C1orf115: variants seen among roughly 807,000 people sequenced by gnomAD.
C1orf115 encodes required for drug-induced death protein 1.
A neutral mutation model predicts 12.5 loss-of-function variants in C1orf115; 14 were observed. The observed-to-expected ratio is 1.12, with a 90% CI of 0.74 to 1.75. The LOEUF (loss-of-function observed/expected upper bound fraction) is 1.75, where lower values mean the gene tolerates loss of function less well. Ranked by LOEUF, C1orf115 falls within the 40% of genes most tolerant of loss-of-function variation. The pLI, the probability that C1orf115 is intolerant of heterozygous loss-of-function variation, is 0.00. For synonymous variants in C1orf115, 109 were observed against 104.6 expected, an observed-to-expected ratio of 1.04 and a Z score of -0.26; for missense variants, 237 against 220.8, an observed-to-expected ratio of 1.07 and a Z score of -0.46.
At position 220,696,710 on chromosome 1, in the gene C1orf115, C is replaced by A; in HGVS notation, c.408C>A (p.Ser136Arg). The A allele has an allele frequency of 1.9e-6, 3 of 1,595,930 alleles. No homozygotes were observed. Among genetic ancestry groups the A allele is most frequent in the African/African-American group, 1.3e-5 (1 of 74,802 alleles). The change falls in exon 2 of 2, where the codon AGC becomes AGA. Residue 136 changes from serine to arginine, a missense_variant. Transcript: ENST00000294889. ...CCGCCCCGTTTGCGGTAGCCACCAG[C>A]GTGGTATCCTTCGTGCGCTAATGGG... ...AYSAPFAVATSVVSFVR is the reference protein window; with the variant it reads ...AYSAPFAVATRVVSFVR
chr1:220,696,804 C>T lies in C1orf115; in HGVS notation c.*73C>T, dbSNP rs970480014. The T allele has an allele frequency of 5.9e-6, 9 of 1,513,486 alleles. No homozygotes were observed. The highest frequency in any genetic ancestry group is 2.3e-5 in the East Asian group (1 of 43,342). The allele number at this position is 1,513,486 out of a possible 1,614,324, so 93.8% of individuals were successfully genotyped here. A position where few individuals can be genotyped will look rare whatever the true frequency, so the allele number is the denominator to read the frequency against. Reference sequence around the variant, plus strand: ...TGTGGGAACTTTGTGAATCCTGGAGCATCTCAGACTTGAACACACAGCATA... The same window carrying T: ...TGTGGGAACTTTGTGAATCCTGGAGTATCTCAGACTTGAACACACAGCATA... On this transcript the variant is annotated 3_prime_UTR_variant, in exon 2 of 2. Coordinates refer to ENST00000294889, the MANE Select transcript of C1orf115 (RefSeq NM_024709.5).
intron 1 of C1orf115, among the ~76,000 whole-genome samples, chr1:220,694,391 C>T (rs527860739): frequency 1.3e-5 from 2 of 152,060 alleles, no homozygotes; most frequent in South Asian, 2.1e-4. Flanking sequence ...GTGAGGAAAC[C>T]GAGGCCATGG....
chr1:220,695,854 C>T (rs981296914), intron 1 of C1orf115, among the ~76,000 whole-genome samples: 7 of 152,002 alleles, frequency 4.6e-5, no homozygotes, highest in African/African-American at 1.7e-4. Flanking sequence ...AGTTGAGGTA[C>T]GGAGGGGAAG....
chr1:220,694,814 A>G (rs994523051), intron 1 of C1orf115, among the ~76,000 whole-genome samples: 1 of 152,230 alleles, frequency 6.6e-6, no homozygotes, highest in Non-Finnish European at 1.5e-5. Context: ...TAGTCATTAG[A>G]AATGGATGAG....
At chr1:220,692,004 C>A (rs1670118088) in intron 1 of C1orf115, among the ~76,000 whole-genome samples, 2 of 152,178 alleles carry the variant, frequency 1.3e-5, no homozygotes, top group Admixed American at 6.5e-5. Flanking sequence ...GGGAAGTTTT[C>A]AAATCACGGT....
Position 220,690,633 on chromosome 1 carries a change from C to A in C1orf115, c.231C>A (p.Arg77=), listed in dbSNP as rs1670086289. 6.4e-7 allele frequency: 1 copy of A among 1,568,730 alleles called. No individual in the cohort carries two copies. Among genetic ancestry groups the A allele is most frequent in the South Asian group, 1.2e-5 (1 of 86,258 alleles). Residue 77 remains arginine, a synonymous_variant, in exon 1 of 2, where the codon CGC becomes CGA. Coordinates refer to ENST00000294889, the MANE Select transcript of C1orf115 (RefSeq NM_024709.5). ...TGCACTTCGCCCTCCTGCCCGAGCG[C>A]TACGAGCCACTGGAGGAGCCGGCGC... is the stretch of plus-strand genomic sequence containing the variant. ...RRVHFALLPE[R]YEPLEEPAPS... is the part of the protein sequence containing the mutation.
chr1:220,690,765 G>T, intron 1 of C1orf115, 54 bp downstream of exon 1: 1 of 1,527,790 alleles, frequency 6.5e-7, no homozygotes, highest in Non-Finnish European at 8.8e-7. Context: ...TGTCCCGCGG[G>T]GGAGCGGGAG....
intron 1 of C1orf115, among the ~76,000 whole-genome samples, chr1:220,692,682 G>GT (rs1168741857): frequency 1.3e-5 from 2 of 152,182 alleles, no homozygotes; most frequent in African/African-American, 4.8e-5. Context: ...TGGGTAATGT[G>GT]TTTTTTCCTG....
At chr1:220,696,069 T>C (rs1313666269) in intron 1 of C1orf115, among the ~76,000 whole-genome samples, 1 of 152,070 alleles carries the variant, frequency 6.6e-6, no homozygotes, top group African/African-American at 2.4e-5. Context: ...TATAATGGTA[T>C]TGGAAATGCT....
In C1orf115 at chr1:220,698,444, G is replaced by C. The variant is rs1303497488; in HGVS notation, c.*1713G>C. ...TGAGGAAAAGTGAAACAAGTGATCT[G>C]GTTTTAGCCCAGATGATGAAAGTGG... On this transcript the variant is annotated 3_prime_UTR_variant, in exon 2 of 2. Transcript: ENST00000294889. 6.6e-6 allele frequency: 1 copy of C among 152,370 alleles called. No individual in the cohort carries two copies. Among genetic ancestry groups the C allele is most frequent in the East Asian group, 1.9e-4 (1 of 5,188 alleles). The allele number at this position is 152,370 out of a possible 1,614,324, so 9.4% of individuals were successfully genotyped here. A position where few individuals can be genotyped will look rare whatever the true frequency, so the allele number is the denominator to read the frequency against.
chr1:220,690,786 ACCATCGACTCACC>A, intron 1 of C1orf115, 75 bp downstream of exon 1: 1 of 1,489,556 alleles, frequency 6.7e-7, no homozygotes, highest in Non-Finnish European at 9.0e-7. Context: ...CCGGGTCCTT[ACCATCGACTCACC>A]CAGTTTCTCC....
intron 1 of C1orf115, among the ~76,000 whole-genome samples, chr1:220,694,621 CT>C (rs1372240071): frequency 6.6e-6 from 1 of 152,194 alleles, no homozygotes; most frequent in Non-Finnish European, 1.5e-5. Flanking sequence ...TGATTGAAGT[CT>C]GATAGACAAA....
chr1:220,694,982 T>G (rs974691094), intron 1 of C1orf115, among the ~76,000 whole-genome samples: 2 of 152,148 alleles, frequency 1.3e-5, no homozygotes, highest in African/African-American at 4.8e-5. Flanking sequence ...ACTAAGAATA[T>G]GGAGTCAAAG....
At chr1:220,695,618 C>T (rs951608748) in intron 1 of C1orf115, among the ~76,000 whole-genome samples, 10 of 147,344 alleles carry the variant, frequency 6.8e-5, no homozygotes, top group African/African-American at 2.5e-4. Flanking sequence ...AGGTATGAGG[C>T]AGTACCCGGG....
At position 220,698,978 on chromosome 1, in the gene C1orf115, G is replaced by A. The variant is rs1365833782; in HGVS notation, c.*2247G>A. 2.0e-5 allele frequency: 3 copies of A among 152,076 alleles called. No homozygotes were observed. The highest frequency in any genetic ancestry group is 7.2e-5 in the African/African-American group (3 of 41,402). The allele number at this position is 152,076 out of a possible 1,614,324, so 9.4% of individuals were successfully genotyped here. ...TCCCTGGAGTGTAAGCATTTGGATT[G>A]TGTCACAGATTACCTTTTTACCTTT... On this transcript the variant is annotated 3_prime_UTR_variant, in exon 2 of 2. Coordinates refer to ENST00000294889, the MANE Select transcript of C1orf115 (RefSeq NM_024709.5).
Position 220,696,617 on chromosome 1 carries a change from C to CG in C1orf115, c.318dup (p.Lys107GlufsTer66). The CG allele has an allele frequency of 6.3e-7, 1 of 1,584,772 alleles. No individual in the cohort carries two copies. Among genetic ancestry groups the CG allele is most frequent in the Non-Finnish European group, 8.6e-7 (1 of 1,156,078 alleles). ...TCTTTTATTCCTAACACTAGAATGTCGGGAAGGTCATCATCAAAGGATGCC... is the reference window on the plus strand; with the variant it reads ...TCTTTTATTCCTAACACTAGAATGTCGGGGAAGGTCATCATCAAAGGATGCC... On this transcript the variant is annotated frameshift_variant, in exon 2 of 2. Coordinates refer to ENST00000294889, the MANE Select transcript of C1orf115 (RefSeq NM_024709.5). LOFTEE classifies it high-confidence loss of function.
chr1:220,692,355 T>G (rs416735), intron 1 of C1orf115, among the ~76,000 whole-genome samples: 53,032 of 152,044 alleles, frequency 0.35, 10,571 homozygotes, highest in East Asian at 0.79. Flanking sequence ...TTTAATGGAA[T>G]TATTATTTAC....
At chr1:220,692,211 G>A (rs1413155044) in intron 1 of C1orf115, among the ~76,000 whole-genome samples, 2 of 152,226 alleles carry the variant, frequency 1.3e-5, no homozygotes, top group Non-Finnish European at 2.9e-5. Flanking sequence ...AAATGGGACA[G>A]CTGCTGTGGA....
intron 1 of C1orf115, among the ~76,000 whole-genome samples, chr1:220,693,507 T>C (rs1670143194): frequency 6.6e-6 from 1 of 152,222 alleles, no homozygotes; most frequent in South Asian, 2.1e-4. Context: ...GTGATTCTTA[T>C]CACACATTTA....
Sources: gnomAD v4.1 joint callset for allele counts (sites outside exome capture counted in the v4.1 genomes callset) on GRCh38, gnomAD v4.1.1 for gene constraint, MANE v1.5 for transcripts, NCBI Gene and HGNC (gene_info 2026-07-23, HGNC 2026-07-21) for gene names.